The following RFTN1 variants were observed in gnomAD, a reference collection of about 807,000 sequenced individuals.
The protein encoded by RFTN1 is raftlin.
RFTN1 carries 26 observed loss-of-function variants against 46.5 expected under a neutral mutation model. The observed-to-expected ratio is 0.56, with a 90% CI of 0.41 to 0.78. The LOEUF (loss-of-function observed/expected upper bound fraction) is 0.78, where lower values mean the gene tolerates loss of function less well. RFTN1 is among the 30% of genes least tolerant of loss of function. The probability of loss-of-function intolerance (pLI) is 0.00; values close to 1 mark genes in which losing one functional copy is unlikely to be tolerated. For synonymous variants in RFTN1, 261 were observed against 284.2 expected (o/e 0.92, Z 0.82); for missense variants, 693 against 718.7 (o/e 0.96, Z 0.41).
chr3:16,371,749 T>C (rs1240432883), intron 5 of RFTN1, among the ~76,000 whole-genome samples: 1 of 152,216 alleles, frequency 6.6e-6, no homozygotes, highest in East Asian at 1.9e-4. Flanking sequence ...AATTCTAGCC[T>C]GTTCATCATC....
intron 7 of RFTN1, among the ~76,000 whole-genome samples, chr3:16,332,546 G>A (rs886751949): frequency 1.3e-5 from 2 of 152,018 alleles, no homozygotes; most frequent in Non-Finnish European, 2.9e-5. Flanking sequence ...TGGGGAACTA[G>A]GGATCTTACC....
In RFTN1 at chr3:16,384,467, C is replaced by G. The variant is rs535557037; in HGVS notation, c.442-6365G>C. 6.6e-6 allele frequency among the ~76,000 whole-genome samples: 1 copy of G among 152,304 alleles called. No homozygotes were observed. The highest frequency in any genetic ancestry group is 2.4e-5 in the African/African-American group (1 of 41,554). ...ACTTCATCTGGTATCGATTCCAGGT[C>G]CTACGTGAGAGGCTGAAGTGTGGCA... On this transcript the variant is annotated intron_variant, in intron 4 of 9. Transcript: ENST00000334133. This position sits in a 1 kb window ranked among gnomAD's most constrained non-coding sequence, Gnocchi z 4.7.
chr3:16,367,535 C>T (rs689981), intron 6 of RFTN1, among the ~76,000 whole-genome samples: 106,460 of 151,936 alleles, frequency 0.7, 37,970 homozygotes, highest in African/African-American at 0.82. Flanking sequence ...CTCTAAGATA[C>T]GGGCTGCATA....
At chr3:16,366,233 T>C (rs2073162401) in intron 6 of RFTN1, among the ~76,000 whole-genome samples, 1 of 121,778 alleles carries the variant, frequency 8.2e-6, no homozygotes, top group Non-Finnish European at 1.7e-5. Context: ...CCAGAGGCCT[T>C]CGTGAAAAAT....
intron 4 of RFTN1, among the ~76,000 whole-genome samples, chr3:16,404,808 C>G (rs771254521): frequency 1.3e-5 from 2 of 152,086 alleles, no homozygotes; most frequent in African/African-American, 4.8e-5. Context: ...CTCTGAAGCC[C>G]CTTGGCTGCC....
chr3:16,502,182 C>T (rs946424143), intron 1 of RFTN1, among the ~76,000 whole-genome samples: 9 of 152,002 alleles, frequency 5.9e-5, no homozygotes, highest in African/African-American at 1.7e-4. Flanking sequence ...GCCTGGGCAA[C>T]ATGGCAAGAC....
chr3:16,437,997 A>C (rs992429209), intron 2 of RFTN1, among the ~76,000 whole-genome samples: 1 of 152,006 alleles, frequency 6.6e-6, no homozygotes, highest in East Asian at 1.9e-4. Context: ...ATGGAAGGCA[A>C]CTGCACGTTG....
In RFTN1 at chr3:16,480,221, T is replaced by C. The variant is rs142411579; in HGVS notation, c.145+13504A>G. 0.011 allele frequency among the ~76,000 whole-genome samples: 1,621 copies of C among 152,372 alleles called. 12 individuals are homozygous for C. Among genetic ancestry groups the C allele is most frequent in the Non-Finnish European group, 0.019 (1,292 of 68,040 alleles). On this transcript the variant is annotated intron_variant, in intron 2 of 9. Coordinates refer to ENST00000334133, the MANE Select transcript of RFTN1 (RefSeq NM_015150.2). This position sits in a 1 kb window ranked among gnomAD's most constrained non-coding sequence, Gnocchi z 4.3. ...TCCCTTGGGAATATATTATTATACC[T>C]ATCTTGTGTCAAAGCAACATGCATT...
intron 7 of RFTN1, among the ~76,000 whole-genome samples, chr3:16,332,832 G>T (rs77503351): frequency 1.9e-4 from 23 of 121,414 alleles, no homozygotes; most frequent in Non-Finnish European, 3.5e-4. Flanking sequence ...TGTGGGCATC[G>T]ATTTATCTAC....
In RFTN1 at chr3:16,330,056, C is replaced by T. The variant is rs191804558; in HGVS notation, c.1147-3180G>A. Among the ~76,000 whole-genome samples the T allele has an allele frequency of 4.6e-5, 7 of 152,328 alleles. No individual in the cohort carries two copies. In the East Asian group the frequency reaches 9.7e-4, roughly 21 times the overall value. On this transcript the variant is annotated intron_variant, in intron 7 of 9. Transcript: ENST00000334133. Reference sequence around the variant, plus strand: ...AAAAATCAGCAGGATTTCTCCCAAACATTTTTTCCCCCTCAGGGTAGGAGA... The same window carrying T: ...AAAAATCAGCAGGATTTCTCCCAAATATTTTTTCCCCCTCAGGGTAGGAGA...
At position 16,317,966 on chromosome 3, in the gene RFTN1, T is replaced by C. The variant is rs1040877655; in HGVS notation, c.1333-734A>G. Among the ~76,000 whole-genome samples the C allele has an allele frequency of 6.6e-6, 1 of 152,190 alleles. No individual in the cohort carries two copies. The highest frequency in any genetic ancestry group is 2.4e-5 in the African/African-American group (1 of 41,438). On this transcript the variant is annotated intron_variant, in intron 9 of 9. Coordinates refer to ENST00000334133, the MANE Select transcript of RFTN1 (RefSeq NM_015150.2). This position sits in a 1 kb window ranked among gnomAD's most constrained non-coding sequence, Gnocchi z 4.3. ...CCCAAATTCTCCCTCTGCCCGCTAC[T>C]GTACCGACAAGTGTTCTAAGGTAAC...
rs1328753691 is a variant in RFTN1, at chr3:16,458,677, A to G, written c.146-24640T>C. Among the ~76,000 whole-genome samples, 1 of 152,216 alleles carries G rather than the reference A, an allele frequency of 6.6e-6. No individual in the cohort carries two copies. Among genetic ancestry groups the G allele is most frequent in the Non-Finnish European group, 1.5e-5 (1 of 68,032 alleles). Reference sequence around the variant, plus strand: ...GCCTCTTATTTAGATGTCAAATTCCAGCAACTAAAAACTCAGATCCACAAA... The same window carrying G: ...GCCTCTTATTTAGATGTCAAATTCCGGCAACTAAAAACTCAGATCCACAAA... On this transcript the variant is annotated intron_variant, in intron 2 of 9. Coordinates refer to ENST00000334133, the MANE Select transcript of RFTN1 (RefSeq NM_015150.2). The surrounding 1 kb of genome is among the most constrained non-coding windows in gnomAD (Gnocchi z 5.1).
At chr3:16,417,500 C>T (rs7626232) in intron 3 of RFTN1, among the ~76,000 whole-genome samples, 307 of 152,268 alleles carry the variant, frequency 2.0e-3, no homozygotes, top group African/African-American at 7.1e-3. Flanking sequence ...ATGTCAGGGT[C>T]GTTTCAGAAC....
chr3:16,494,417 AT>A, intron 1 of RFTN1, among the ~76,000 whole-genome samples: 1 of 152,308 alleles, frequency 6.6e-6, no homozygotes, highest in African/African-American at 2.4e-5. Flanking sequence ...AGATGGTGGT[AT>A]TTTTATGGGC....
At position 16,509,766 on chromosome 3, in the gene RFTN1, G is replaced by A. The variant is rs2076867178; in HGVS notation, c.-9+3676C>T. Among the ~76,000 whole-genome samples, 1 of 152,144 alleles carries A rather than the reference G, an allele frequency of 6.6e-6. No homozygotes were observed. Among genetic ancestry groups the A allele is most frequent in the African/African-American group, 2.4e-5 (1 of 41,428 alleles). On this transcript the variant is annotated intron_variant, in intron 1 of 9. Coordinates refer to ENST00000334133, the MANE Select transcript of RFTN1 (RefSeq NM_015150.2). This position sits in a 1 kb window ranked among gnomAD's most constrained non-coding sequence, Gnocchi z 4.9. ...TCCAGAGAGGCGATCACCCAGATGG[G>A]TATCACGAGTCACGAAATCACTCAG... is the stretch of plus-strand genomic sequence containing the variant.
rs1217438174 is a variant in RFTN1 at position 16,450,432 on chromosome 3, T to A, written c.146-16395A>T. Among the ~76,000 whole-genome samples, 1 of 152,178 alleles carries A rather than the reference T, an allele frequency of 6.6e-6. No homozygotes were observed. Among genetic ancestry groups the A allele is most frequent in the Non-Finnish European group, 1.5e-5 (1 of 68,028 alleles). On this transcript the variant is annotated intron_variant, in intron 2 of 9. Coordinates refer to ENST00000334133, the MANE Select transcript of RFTN1 (RefSeq NM_015150.2). The surrounding 1 kb of genome is among the most constrained non-coding windows in gnomAD (Gnocchi z 4.6). Reference sequence around the variant, plus strand: ...CCTCAGAGAAGGAAGGCAGGTAGGATAAGAGCCTGAGGCCCATCCAAGGGC... The same window carrying A: ...CCTCAGAGAAGGAAGGCAGGTAGGAAAAGAGCCTGAGGCCCATCCAAGGGC...
chr3:16,480,998 GACACACACACAC>G lies in RFTN1; in HGVS notation c.145+12715_145+12726del, dbSNP rs34945684. On this transcript the variant is annotated intron_variant, in intron 2 of 9. Transcript: ENST00000334133. This position sits in a 1 kb window ranked among gnomAD's most constrained non-coding sequence, Gnocchi z 4.3. ...ATATGCACATGCACACACACACACA[GACACACACACAC>G]ACACACACACACACACACACCTGAG... Among the ~76,000 whole-genome samples, 2 of 145,774 alleles carry G rather than the reference GACACACACACAC, an allele frequency of 1.4e-5. No homozygotes were observed. Among genetic ancestry groups the G allele is most frequent in the Admixed American group, 6.8e-5 (1 of 14,628 alleles).
At chr3:16,318,525 G>T (rs1028002180) in intron 9 of RFTN1, among the ~76,000 whole-genome samples, 4 of 152,124 alleles carry the variant, frequency 2.6e-5, no homozygotes, top group Admixed American at 6.5e-5. Context: ...TTAAAAATCT[G>T]CCATTTTTGT....
chr3:16,377,688 G>A lies in RFTN1; in HGVS notation c.826+30C>T, dbSNP rs765143823. On this transcript the variant is annotated intron_variant, in intron 5 of 9. Transcript: ENST00000334133. ...AAAGCTGTTAGCTGCTCTTTAAGTGGGTCAAAACTCCCATTGCTGACATAC... is the reference window on the plus strand; with the variant it reads ...AAAGCTGTTAGCTGCTCTTTAAGTGAGTCAAAACTCCCATTGCTGACATAC... The A allele has an allele frequency of 1.4e-5, 21 of 1,551,406 alleles. No individual in the cohort carries two copies. In the African/African-American group the frequency reaches 2.9e-4, roughly 21 times the overall value.
Sources: allele counts gnomAD v4.1 joint callset (sites outside exome capture counted in the v4.1 genomes callset), GRCh38; gene constraint gnomAD v4.1.1; non-coding constraint Gnocchi (gnomAD v3.1); transcripts MANE v1.5; gene names NCBI Gene and HGNC (gene_info 2026-07-23, HGNC 2026-07-21).